The following SYT1 variants were observed in gnomAD, a reference collection of about 807,000 sequenced individuals.
SYT1 encodes the protein synaptotagmin 1.
A neutral mutation model predicts 44.8 loss-of-function variants in SYT1; 8 were observed. The observed-to-expected ratio is 0.18, with a 90% CI of 0.10 to 0.32. The LOEUF is 0.32. Ranked by LOEUF, SYT1 falls within the 10% of genes least tolerant of loss-of-function variation. SYT1 has a pLI of 1.00. For missense variants in SYT1, 286 were observed against 509.3 expected (o/e 0.56, Z 4.22); for synonymous variants, 154 against 188.8 (o/e 0.82, Z 1.51).
chr12:79,197,802 A>G (rs545349162), intron 3 of SYT1, among the ~76,000 whole-genome samples: 1 of 152,324 alleles, frequency 6.6e-6, no homozygotes, highest in South Asian at 2.1e-4. Flanking sequence ...ACACTCTGGC[A>G]GAAATGTTCT....
At chr12:79,375,294 A>C (rs978629420) in intron 9 of SYT1, among the ~76,000 whole-genome samples, 1 of 152,140 alleles carries the variant, frequency 6.6e-6, no homozygotes, top group Non-Finnish European at 1.5e-5. Context: ...GGAGAAACCA[A>C]GAACCGGGTT....
chr12:79,014,806 C>A (rs570703180), intron 2 of SYT1, among the ~76,000 whole-genome samples: 1 of 152,084 alleles, frequency 6.6e-6, no homozygotes, highest in Non-Finnish European at 1.5e-5. Flanking sequence ...GACTTGGAAC[C>A]AACCCAAATA....
At chr12:79,150,801 A>G (rs1870223649) in intron 3 of SYT1, among the ~76,000 whole-genome samples, 1 of 152,182 alleles carries the variant, frequency 6.6e-6, no homozygotes, top group African/African-American at 2.4e-5. Context: ...GCCCTCCTCC[A>G]TTTCGAGCAA....
intron 4 of SYT1, among the ~76,000 whole-genome samples, chr12:79,267,703 G>T (rs1878207283): frequency 6.6e-6 from 1 of 152,142 alleles, no homozygotes; most frequent in Admixed American, 6.5e-5. Flanking sequence ...CCTGTGAATT[G>T]CCTTCACCTC....
intron 3 of SYT1, among the ~76,000 whole-genome samples, chr12:79,111,480 G>A: frequency 6.6e-6 from 1 of 151,878 alleles, no homozygotes; most frequent in East Asian, 1.9e-4. Context: ...ATAATAATAA[G>A]TTGTAATAAT....
intron 4 of SYT1, among the ~76,000 whole-genome samples, chr12:79,282,370 A>G (rs953236117): frequency 2.6e-5 from 4 of 152,196 alleles, no homozygotes; most frequent in Non-Finnish European, 5.9e-5. Context: ...GTCAGATAAT[A>G]TATGTGAGAT....
intron 9 of SYT1, among the ~76,000 whole-genome samples, chr12:79,401,571 A>T (rs987402990): frequency 2.6e-5 from 4 of 152,194 alleles, no homozygotes; most frequent in African/African-American, 9.7e-5. Context: ...TTTCTGTAGA[A>T]AGAATTTTAC....
At chr12:79,130,444 C>T (rs925056659) in intron 3 of SYT1, among the ~76,000 whole-genome samples, 1 of 152,152 alleles carries the variant, frequency 6.6e-6, no homozygotes, top group African/African-American at 2.4e-5. Context: ...AAGCAGTTCT[C>T]CATGGATGTC....
intron 8 of SYT1, among the ~76,000 whole-genome samples, chr12:79,325,731 C>A (rs755564649): frequency 6.6e-6 from 1 of 152,132 alleles, no homozygotes; most frequent in Non-Finnish European, 1.5e-5. Flanking sequence ...TTGCCTCTGC[C>A]ATTCATGAGC....
intron 2 of SYT1, among the ~76,000 whole-genome samples, chr12:79,014,599 T>A (rs1440610821): frequency 6.6e-6 from 1 of 151,984 alleles, no homozygotes; most frequent in Non-Finnish European, 1.5e-5. Flanking sequence ...TAGGAACACT[T>A]TTACACTGTT....
intron 4 of SYT1, among the ~76,000 whole-genome samples, chr12:79,237,382 A>G (rs1021550602): frequency 6.6e-6 from 1 of 152,152 alleles, no homozygotes; most frequent in African/African-American, 2.4e-5. Context: ...ACAGAGGGGG[A>G]AAAAAGACAG....
chr12:79,344,555 T>C (rs2139059667), intron 8 of SYT1, among the ~76,000 whole-genome samples: 1 of 152,078 alleles, frequency 6.6e-6, no homozygotes, highest in East Asian at 1.9e-4. Flanking sequence ...TGGGCCCAAG[T>C]AATCCTCCCA....
At chr12:79,383,126 T>G (rs1884294272) in intron 9 of SYT1, among the ~76,000 whole-genome samples, 1 of 152,214 alleles carries the variant, frequency 6.6e-6, no homozygotes, top group Non-Finnish European at 1.5e-5. Context: ...AAATGCACAG[T>G]TAGGCAATTT....
intron 9 of SYT1, among the ~76,000 whole-genome samples, chr12:79,360,471 A>G (rs1883277564): frequency 6.6e-6 from 1 of 152,204 alleles, no homozygotes; most frequent in South Asian, 2.1e-4. Context: ...TGAAAGCACA[A>G]CAAAGAAAAA....
At chr12:79,407,490 A>T (rs1885285027) in intron 9 of SYT1, among the ~76,000 whole-genome samples, 1 of 152,084 alleles carries the variant, frequency 6.6e-6, no homozygotes, top group South Asian at 2.1e-4. Context: ...GAAGGCATGA[A>T]GTCAAAGAAA....
At position 78,904,171 on chromosome 12, in the gene SYT1, A is replaced by G. The variant is rs562607038; in HGVS notation, c.-217+39062A>G. ...ACAATTTAAAAAACAAACTGGAAAC[A>G]CTAGTGTGTATTGAATTTGAATTTA... On this transcript the variant is annotated intron_variant, in intron 1 of 10. Transcript: ENST00000261205. Among the ~76,000 whole-genome samples, 19 of 152,270 alleles carry G rather than the reference A, an allele frequency of 1.2e-4. No individual in the cohort carries two copies. In the Middle Eastern group the frequency reaches 0.01, roughly 83 times the overall value.
At chr12:79,447,517 G>A (rs1424457276) in intron 10 of SYT1, among the ~76,000 whole-genome samples, 1 of 152,150 alleles carries the variant, frequency 6.6e-6, no homozygotes, top group Non-Finnish European at 1.5e-5. Context: ...TGTCTTGAAT[G>A]CTACTAATCA....
intron 8 of SYT1, among the ~76,000 whole-genome samples, chr12:79,317,644 C>T (rs1343679374): frequency 1.3e-5 from 2 of 152,148 alleles, no homozygotes; most frequent in Non-Finnish European, 2.9e-5. Context: ...TCAGAGGTGA[C>T]TGTCGGGCGA....
intron 8 of SYT1, among the ~76,000 whole-genome samples, chr12:79,320,535 A>T (rs1881302457): frequency 1.3e-5 from 2 of 151,924 alleles, no homozygotes; most frequent in African/African-American, 2.4e-5. Context: ...GATGAGGAAC[A>T]GTTGTCATTT....
Sources: allele counts gnomAD v4.1 joint callset (sites outside exome capture counted in the v4.1 genomes callset), GRCh38; gene constraint gnomAD v4.1.1; transcripts MANE v1.5; gene names NCBI Gene and HGNC (gene_info 2026-07-23, HGNC 2026-07-21).